Variants in RIF1 observed in about 807,000 individuals in gnomAD.
RIF1 encodes the protein telomere-associated protein RIF1.
RIF1 carries 45 observed loss-of-function variants against 247.1 expected under a neutral mutation model. That is an observed-to-expected ratio of 0.18 (90% confidence interval 0.14 to 0.23). RIF1 has a LOEUF of 0.23. Among genes scored for constraint, RIF1 ranks in the 10% least tolerant of loss-of-function variants. The pLI, the probability that RIF1 is intolerant of heterozygous loss-of-function variation, is 1.00. For synonymous variants in RIF1, 1,087 were observed against 978.8 expected, an observed-to-expected ratio of 1.11 and a Z score of -2.06; for missense variants, 2,967 against 2,862.5, an observed-to-expected ratio of 1.04 and a Z score of -0.83.
chr2:151,469,822 G>A lies in RIF1; in HGVS notation c.7053G>A (p.Val2351=). 1 of 1,610,908 alleles carries A rather than the reference G, an allele frequency of 6.2e-7. No individual in the cohort carries two copies. The highest frequency in any genetic ancestry group is 8.5e-7 in the Non-Finnish European group (1 of 1,178,334). ...CTCTTCCTATCCGTTCTCCAAAAGT[G>A]TCCAATGTAAAAAAGGCTCTCAGAA... The part of the protein sequence containing the change: ...IKTLPIRSPK[V]SNVKKALRIY... The change falls in exon 34 of 36, where the codon GTG becomes GTA. Residue 2351 remains valine (V), a synonymous_variant. Coordinates refer to ENST00000444746, the MANE Select transcript of RIF1 (RefSeq NM_018151.5).
chr2:151,426,395 C>T (rs1194859189), intron 8 of RIF1, among the ~76,000 whole-genome samples: 2 of 151,488 alleles, frequency 1.3e-5, no homozygotes, highest in African/African-American at 2.4e-5. Context: ...AGGCTGGTCT[C>T]GAACTCCTGA....
chr2:151,521,178 T>C, the RIF1 span, among the ~76,000 whole-genome samples: 122 of 152,152 alleles, frequency 8.0e-4, no homozygotes, highest in South Asian at 4.4e-3. Flanking sequence ...ACTTGACACA[T>C]CCAGCACAAC....
intron 3 of RIF1, 30 bp downstream of exon 3, chr2:151,411,368 A>C (rs1573821554): frequency 2.1e-6 from 3 of 1,404,176 alleles, no homozygotes; most frequent in Non-Finnish European, 2.0e-6. Context: ...ACAGTTTTTC[A>C]CTTTTGGTAG....
intron 10 of RIF1, chr2:151,497,327 A>G (rs2060901794): frequency 1.0e-6 from 1 of 980,504 alleles, no homozygotes; most frequent in Admixed American, 6.2e-5. Context: ...CTAAACAATT[A>G]TATGAGGATT....
intron 21 of RIF1, among the ~76,000 whole-genome samples, chr2:151,453,090 G>A (rs925767840): frequency 9.9e-5 from 15 of 152,176 alleles, no homozygotes; most frequent in African/African-American, 9.7e-5. Context: ...TACTGCAAGA[G>A]TTTATGTGGA....
chr2:151,470,934 C>T (rs1179577061), intron 34 of RIF1, among the ~76,000 whole-genome samples: 1 of 152,086 alleles, frequency 6.6e-6, no homozygotes, highest in Non-Finnish European at 1.5e-5. Flanking sequence ...ATATGATTTA[C>T]ATCGTGTAAA....
chr2:151,531,862 T>C, the RIF1 span: 1 of 1,610,376 alleles, frequency 6.2e-7, no homozygotes, highest in Non-Finnish European at 8.5e-7. Flanking sequence ...GGTAAATTTG[T>C]CCTTTGATTT....
At chr2:151,527,880 G>A in the RIF1 span, among the ~76,000 whole-genome samples, 4 of 152,206 alleles carry the variant, frequency 2.6e-5, no homozygotes, top group Admixed American at 6.5e-5. Context: ...CTTCAGAATC[G>A]AGTACTTTTA....
At chr2:151,410,121 TC>T in intron 1 of RIF1, 88 bp downstream of exon 1, 1 of 688,134 alleles carries the variant, frequency 1.5e-6, no homozygotes, top group Non-Finnish European at 2.7e-6. Context: ...GATGCCTCGT[TC>T]CCCGGGCTTC....
chr2:151,532,961 A>C, the RIF1 span, among the ~76,000 whole-genome samples: 2 of 152,192 alleles, frequency 1.3e-5, no homozygotes, highest in African/African-American at 4.8e-5. Context: ...GCAATTCAGC[A>C]TCAAAGTCAA....
At chr2:151,532,362 C>T in the RIF1 span, among the ~76,000 whole-genome samples, 1 of 152,116 alleles carries the variant, frequency 6.6e-6, no homozygotes, top group Non-Finnish European at 1.5e-5. Flanking sequence ...TTACTCATAA[C>T]ATATTGTATT....
At chr2:151,456,513 G>T in intron 22 of RIF1, 65 bp from the exon 23 acceptor site, 2 of 844,410 alleles carry the variant, frequency 2.4e-6, no homozygotes, top group Non-Finnish European at 3.8e-6. Flanking sequence ...CTTAGGATTA[G>T]CTTGATAGAT....
the RIF1 span, chr2:151,513,477 T>C: frequency 1.3e-6 from 1 of 794,658 alleles, no homozygotes; most frequent in Non-Finnish European, 2.0e-6. Flanking sequence ...TGCCATTGTA[T>C]GCATGTGACT....
At chr2:151,533,145 C>A in the RIF1 span, among the ~76,000 whole-genome samples, 10 of 152,172 alleles carry the variant, frequency 6.6e-5, no homozygotes, top group Non-Finnish European at 1.5e-4. Context: ...GAATCTATTT[C>A]TTTGAGGCAA....
chr2:151,515,010 A>G, the RIF1 span: 1 of 886,370 alleles, frequency 1.1e-6, no homozygotes, highest in South Asian at 1.6e-5. Context: ...GAAAAAAAAA[A>G]CAGCATTTTC....
intron 12 of RIF1, among the ~76,000 whole-genome samples, chr2:151,504,952 CAGGAGAAGAAACCTTGAAAGGGAG>C (rs924008299): frequency 6.6e-5 from 10 of 151,972 alleles, no homozygotes; most frequent in African/African-American, 1.9e-4. Context: ...GCAAAGAATA[CAGGAGAAGAAACCTTGAAAGGGAG>C]GGGAGAAGAG....
chr2:151,458,940 T>A (rs754590777), intron 25 of RIF1, 30 bp downstream of exon 25: 1 of 1,310,706 alleles, frequency 7.6e-7, no homozygotes, highest in Non-Finnish European at 1.1e-6. Context: ...TGTTCATTTG[T>A]TTTTGGACAT....
chr2:151,413,346 T>C (rs1394703497), intron 3 of RIF1, among the ~76,000 whole-genome samples: 1 of 152,168 alleles, frequency 6.6e-6, no homozygotes, highest in Non-Finnish European at 1.5e-5. Context: ...TTGAGTCAAG[T>C]TGCATTGTTC....
In RIF1 at chr2:151,464,582, T is replaced by A. The variant is rs779740180; in HGVS notation, c.5062T>A (p.Ser1688Thr). Residue 1688 changes from serine (S) to threonine (T), a missense_variant, in exon 30 of 36, where the codon TCT (serine) becomes ACT (threonine). Physicochemically the swap from Ser to Thr is moderately conservative, Grantham distance 58. Around this residue, in one of 7 missense-constraint regions of RIF1, gnomAD observed 2,028 missense variants for 1,825.6 expected, o/e 1.11. Coordinates refer to ENST00000444746, the MANE Select transcript of RIF1 (RefSeq NM_018151.5). The stretch of plus-strand genomic sequence containing the variant: ...CATTAAGAGATTACATAAGCGAGAC[T>A]CTTTTGATAATTGTAGTTTGGGAGA... ...NAIKRLHKRD[S>T]FDNCSLGESS... The A allele has an allele frequency of 6.2e-7, 1 of 1,613,526 alleles. No homozygotes were observed. Among genetic ancestry groups the A allele is most frequent in the East Asian group, 2.2e-5 (1 of 44,848 alleles).
Sources: gnomAD v4.1 joint callset for allele counts (sites outside exome capture counted in the v4.1 genomes callset) on GRCh38, gnomAD v4.1.1 for gene constraint, gnomAD v4.1.1 regional missense constraint, MANE v1.5 for transcripts, NCBI Gene and HGNC (gene_info 2026-07-23, HGNC 2026-07-21) for gene names.